The following SMPX variants were observed in gnomAD, a reference collection of about 807,000 sequenced individuals.
The protein encoded by SMPX is small muscle protein X-linked.
A neutral mutation model predicts 6.3 loss-of-function variants in SMPX; 2 were observed. The ratio of observed to expected loss-of-function variants is 0.32; its 90% CI spans 0.13 to 0.99. The LOEUF is 0.99. Among genes scored for constraint, SMPX ranks in the 50% least tolerant of loss-of-function variants. The pLI is 0.49. For synonymous variants in SMPX, 32 were observed against 24.7 expected, an observed-to-expected ratio of 1.30 and a Z score of -0.88; for missense variants, 60 against 66.8, an observed-to-expected ratio of 0.90 and a Z score of 0.36.
intron 2 of SMPX, 67 bp from the exon 3 acceptor site, chrX:21,743,903 G>T: frequency 1.2e-6 from 1 of 825,070 alleles, no homozygotes; most frequent in Non-Finnish European, 1.8e-6. Flanking sequence ...TTCTGAGACA[G>T]TAATCGTTGT....
At chrX:21,756,564 G>A (rs895134008) in intron 1 of SMPX, among the ~76,000 whole-genome samples, 1 of 112,566 alleles carries the variant, frequency 8.9e-6, no homozygotes, top group Non-Finnish European at 1.9e-5. Context: ...AGCGGTTCCT[G>A]CTGTCCTCAT....
At chrX:21,751,243 G>T (rs1169574661) in intron 2 of SMPX, among the ~76,000 whole-genome samples, 1 of 112,203 alleles carries the variant, frequency 8.9e-6, no homozygotes, top group Non-Finnish European at 1.9e-5. Flanking sequence ...GATGCCATTA[G>T]CAAGTTGTGG....
At chrX:21,707,497 A>AC (rs1445630050) in intron 4 of SMPX, among the ~76,000 whole-genome samples, 1 of 111,759 alleles carries the variant, frequency 8.9e-6, no homozygotes, top group African/African-American at 3.3e-5. Flanking sequence ...GGCTTGTATG[A>AC]CCAGTGATCC....
rs1401556931 is a variant in SMPX at position 21,757,981 on chromosome X, GGCAGCCAGAT to G, written c.-62_-53del. 2.7e-5 allele frequency: 9 copies of G among 327,507 alleles called. No homozygotes were observed. In the East Asian group the frequency reaches 6.8e-4, roughly 25 times the overall value. The allele number at this position is 327,507 out of a possible 1,213,427, so 27.0% of individuals were successfully genotyped here. On this transcript the variant is annotated 5_prime_UTR_variant, in exon 1 of 5. The change abolishes the stop of an existing upstream ORF in the 5' untranslated region. Transcript: ENST00000379494. The stretch of plus-strand genomic sequence containing the variant: ...TGTTTACTGCCTAAGGGAAGTCCCA[GGCAGCCAGAT>G]GCAAGAATACAAAGCTCCTTGGAAG...
intron 4 of SMPX, among the ~76,000 whole-genome samples, chrX:21,731,425 ATAT>A (rs778462627): frequency 1.3e-5 from 1 of 74,263 alleles, no homozygotes; most frequent in Non-Finnish European, 2.7e-5. Flanking sequence ...ATATACACAC[ATAT>A]ATGTGTGTAT....
intron 4 of SMPX, among the ~76,000 whole-genome samples, chrX:21,731,213 A>C (rs1038758293): frequency 2.8e-5 from 3 of 108,940 alleles, no homozygotes; most frequent in Non-Finnish European, 5.7e-5. Context: ...TTCTAATTTC[A>C]TTCCATTATG....
At chrX:21,722,066 T>A (rs915818262) in intron 4 of SMPX, among the ~76,000 whole-genome samples, 1 of 109,860 alleles carries the variant, frequency 9.1e-6, no homozygotes, top group African/African-American at 3.3e-5. Context: ...GAGGCTGAGG[T>A]GGGAGGATCG....
chrX:21,711,868 A>G (rs913118040), intron 4 of SMPX, among the ~76,000 whole-genome samples: 8 of 112,503 alleles, frequency 7.1e-5, no homozygotes, highest in Non-Finnish European at 1.3e-4. Flanking sequence ...ATGGCCAACC[A>G]TGCACCCAGA....
intron 4 of SMPX, among the ~76,000 whole-genome samples, chrX:21,728,222 C>G (rs1174675664): frequency 2.0e-4 from 4 of 20,395 alleles, no homozygotes; most frequent in African/African-American, 3.9e-4. Flanking sequence ...CTTTCTCTCT[C>G]TCTCTCTCTC....
At chrX:21,723,650 G>A (rs2092793970) in intron 4 of SMPX, among the ~76,000 whole-genome samples, 2 of 111,973 alleles carry the variant, frequency 1.8e-5, no homozygotes, top group African/African-American at 6.5e-5. Context: ...TGGTGCTGTG[G>A]GTATCCAGGC....
At chrX:21,716,178 T>C (rs1351077176) in intron 4 of SMPX, among the ~76,000 whole-genome samples, 3 of 112,724 alleles carry the variant, frequency 2.7e-5, no homozygotes, top group Admixed American at 9.4e-5. Context: ...CAGTGTTATC[T>C]AACCACATGT....
chrX:21,739,202 A>G (rs1309987892), intron 3 of SMPX, among the ~76,000 whole-genome samples: 3 of 111,716 alleles, frequency 2.7e-5, no homozygotes, highest in African/African-American at 9.8e-5. Flanking sequence ...TCTAGTTCTC[A>G]AATTGGTTAG....
At chrX:21,751,886 T>C (rs2092827781) in intron 2 of SMPX, among the ~76,000 whole-genome samples, 1 of 112,472 alleles carries the variant, frequency 8.9e-6, no homozygotes, top group Admixed American at 9.4e-5. Flanking sequence ...TAAACCATTG[T>C]GTACGGTGTA....
chrX:21,733,682 A>G (rs748370414), intron 4 of SMPX: 1 of 323,911 alleles, frequency 3.1e-6, no homozygotes, highest in Non-Finnish European at 6.0e-6. Flanking sequence ...TTTTTCTTGT[A>G]ATTGATGCGT....
At chrX:21,749,446 G>A (rs2092825084) in intron 2 of SMPX, among the ~76,000 whole-genome samples, 1 of 111,880 alleles carries the variant, frequency 8.9e-6, no homozygotes, top group African/African-American at 3.3e-5. Flanking sequence ...TCCATAAAAC[G>A]GTAATTGCCT....
intron 4 of SMPX, among the ~76,000 whole-genome samples, chrX:21,716,773 G>A (rs923817400): frequency 1.8e-5 from 2 of 111,419 alleles, no homozygotes; most frequent in Non-Finnish European, 3.8e-5. Flanking sequence ...TAAATTACAT[G>A]GAAAAGGGGC....
intron 4 of SMPX, among the ~76,000 whole-genome samples, chrX:21,731,462 GTATGTGTACACATACACAT>G (rs2092803426): frequency 1.2e-5 from 1 of 84,786 alleles, no homozygotes; most frequent in African/African-American, 4.1e-5. Flanking sequence ...CATAATGTGT[GTATGTGTACACATACACAT>G]TATGTGTGTA....
chrX:21,706,268 A>T lies in SMPX; in HGVS notation c.*141T>A, dbSNP rs777308966. 9 of 500,855 alleles carry T rather than the reference A, an allele frequency of 1.8e-5. No individual in the cohort carries two copies. The South Asian group carries it at 2.3e-4, about 13-fold the overall frequency. The allele number at this position is 500,855 out of a possible 1,213,427, so 41.3% of individuals were successfully genotyped here. ...AGCCAACTAGAAGGAAGAGATATAA[A>T]TGTACAAACAGGCCATTTCTGCTAG... On this transcript the variant is annotated 3_prime_UTR_variant, in exon 5 of 5. Coordinates refer to ENST00000379494, the MANE Select transcript of SMPX (RefSeq NM_014332.3).
chrX:21,711,375 T>C, intron 4 of SMPX, among the ~76,000 whole-genome samples: 1 of 112,167 alleles, frequency 8.9e-6, no homozygotes. Flanking sequence ...AGCTGTCAGC[T>C]ATTCTCCTGT....
Sources: gnomAD v4.1 joint callset for allele counts (sites outside exome capture counted in the v4.1 genomes callset) on GRCh38, gnomAD v4.1.1 for gene constraint, MANE v1.5 for transcripts, NCBI Gene and HGNC (gene_info 2026-07-23, HGNC 2026-07-21) for gene names.